DSCAM: variants seen among roughly 807,000 people sequenced by gnomAD.
The protein encoded by DSCAM is cell adhesion molecule DSCAM.
A neutral mutation model predicts 217.7 loss-of-function variants in DSCAM; 47 were observed. That is an observed-to-expected ratio of 0.22 (90% CI 0.17 to 0.28). The LOEUF is 0.28. Ranked by LOEUF, DSCAM falls within the 10% of genes least tolerant of loss-of-function variation. The pLI is 1.00. For synonymous variants in DSCAM, 1,056 were observed against 1,015.3 expected (o/e 1.04, Z -0.76); for missense variants, 2,080 against 2,618.3 (o/e 0.79, Z 4.49).
chr21:40,259,154 C>T (rs907763690), intron 11 of DSCAM, among the ~76,000 whole-genome samples: 14 of 152,114 alleles, frequency 9.2e-5, no homozygotes, highest in African/African-American at 2.9e-4. Flanking sequence ...AAAGAGAAAA[C>T]GCTTACACAT....
At chr21:40,792,217 C>A (rs1405260325) in intron 1 of DSCAM, among the ~76,000 whole-genome samples, 1 of 147,566 alleles carries the variant, frequency 6.8e-6, no homozygotes, top group Non-Finnish European at 1.5e-5. Flanking sequence ...TGGCTCACTG[C>A]AACCTCAACT....
chr21:40,401,844 C>T lies in DSCAM; in HGVS notation c.509-32599G>A, dbSNP rs1019246156. On this transcript the variant is annotated intron_variant, in intron 3 of 32. Transcript: ENST00000400454. ...CTCTGGAGGCTGCTGACCTGGAGAC[C>T]TGCCATGGGCCCGTCTTGCCAGCTC... is the stretch of plus-strand genomic sequence containing the variant. Among the ~76,000 whole-genome samples, 4 of 152,018 alleles carry T rather than the reference C, an allele frequency of 2.6e-5. No individual in the cohort carries two copies. The East Asian group carries it at 7.8e-4, about 30-fold the overall frequency.
At chr21:40,751,593 A>T (rs945133177) in intron 1 of DSCAM, among the ~76,000 whole-genome samples, 1 of 152,236 alleles carries the variant, frequency 6.6e-6, no homozygotes, top group Non-Finnish European at 1.5e-5. Flanking sequence ...GAGCATGCAC[A>T]TCTTAGCAAA....
intron 20 of DSCAM, among the ~76,000 whole-genome samples, chr21:40,115,169 G>A (rs1039598074): frequency 4.6e-5 from 7 of 152,106 alleles, no homozygotes; most frequent in African/African-American, 7.2e-5. Context: ...CAACCTAAAT[G>A]TCCAGCAATG....
intron 8 of DSCAM, among the ~76,000 whole-genome samples, chr21:40,329,487 G>A (rs578031431): frequency 1.8e-4 from 28 of 152,018 alleles, no homozygotes; most frequent in South Asian, 8.3e-4. Flanking sequence ...AGTGGTGCAC[G>A]CCTGTAGTCC....
At chr21:40,476,309 A>G (rs545176833) in intron 3 of DSCAM, among the ~76,000 whole-genome samples, 1 of 152,358 alleles carries the variant, frequency 6.6e-6, no homozygotes, top group African/African-American at 2.4e-5. Flanking sequence ...TTCATCATGG[A>G]TACGACTTGG....
At chr21:40,433,248 C>A (rs1255449142) in intron 3 of DSCAM, among the ~76,000 whole-genome samples, 2 of 150,082 alleles carry the variant, frequency 1.3e-5, no homozygotes, top group Non-Finnish European at 2.9e-5. Context: ...ACGCGGGAGG[C>A]TGAGGCAGAA....
chr21:40,147,614 AACC>A (rs1364410126), intron 16 of DSCAM, among the ~76,000 whole-genome samples: 1 of 152,262 alleles, frequency 6.6e-6, no homozygotes, highest in Non-Finnish European at 1.5e-5. Flanking sequence ...AAAAGTAAAC[AACC>A]ACCATTTCTA....
intron 1 of DSCAM, among the ~76,000 whole-genome samples, chr21:40,799,627 T>C (rs2091721495): frequency 6.6e-6 from 1 of 152,222 alleles, no homozygotes; most frequent in African/African-American, 2.4e-5. Context: ...TGTAAAGCTT[T>C]TCCACCTCAT....
chr21:40,762,022 TC>T (rs2091340424), intron 1 of DSCAM, among the ~76,000 whole-genome samples: 1 of 151,894 alleles, frequency 6.6e-6, no homozygotes, highest in South Asian at 2.1e-4. Context: ...AGAAGTAAAA[TC>T]AACACCCTAA....
chr21:40,461,793 G>A (rs922980219), intron 3 of DSCAM, among the ~76,000 whole-genome samples: 49 of 152,154 alleles, frequency 3.2e-4, no homozygotes, highest in African/African-American at 1.2e-3. Context: ...GACTTGAATG[G>A]CCATTGCTGG....
intron 19 of DSCAM, 59 bp downstream of exon 19, chr21:40,133,795 C>T: frequency 1.3e-6 from 2 of 1,527,988 alleles, no homozygotes; most frequent in East Asian, 2.3e-5. Flanking sequence ...GGCAAGTGAG[C>T]TCTCTGTGAC....
chr21:40,693,046 C>A (rs375845173), intron 2 of DSCAM, 90 bp from the exon 3 acceptor site: 33 of 1,389,334 alleles, frequency 2.4e-5, no homozygotes, highest in Middle Eastern at 1.9e-4. Flanking sequence ...CTGCAGCACA[C>A]ACACATCAAT....
chr21:40,199,755 A>T (rs947666615), intron 11 of DSCAM, among the ~76,000 whole-genome samples: 2 of 152,054 alleles, frequency 1.3e-5, no homozygotes, highest in Admixed American at 6.6e-5. Context: ...GAGGGGAACA[A>T]CACGCACCGG....
intron 3 of DSCAM, among the ~76,000 whole-genome samples, chr21:40,493,799 G>T (rs1176380956): frequency 1.3e-5 from 2 of 149,134 alleles, no homozygotes; most frequent in Non-Finnish European, 3.0e-5. Flanking sequence ...AGAGGCAAAG[G>T]TTGCAGTGAG....
At chr21:40,702,355 T>C (rs2090665694) in intron 2 of DSCAM, among the ~76,000 whole-genome samples, 3 of 152,196 alleles carry the variant, frequency 2.0e-5, no homozygotes, top group African/African-American at 7.2e-5. Flanking sequence ...CACAAATGTA[T>C]CACACTAATG....
At chr21:40,289,209 C>A (rs1033565244) in intron 10 of DSCAM, among the ~76,000 whole-genome samples, 3 of 152,038 alleles carry the variant, frequency 2.0e-5, no homozygotes, top group Admixed American at 6.6e-5. Flanking sequence ...AATGGGCAAC[C>A]AACAGGGTAA....
intron 20 of DSCAM, among the ~76,000 whole-genome samples, chr21:40,116,740 C>T (rs1259801266): frequency 2.6e-5 from 4 of 151,218 alleles, no homozygotes; most frequent in Non-Finnish European, 5.9e-5. Flanking sequence ...CGGTGGCTCA[C>T]GCCTGTAATC....
chr21:40,352,321 G>C (rs1416887145), intron 5 of DSCAM, among the ~76,000 whole-genome samples: 1 of 152,174 alleles, frequency 6.6e-6, no homozygotes, highest in African/African-American at 2.4e-5. Flanking sequence ...CTTACTGGCT[G>C]TCCAATGCTG....
Sources: gnomAD v4.1 joint callset for allele counts (sites outside exome capture counted in the v4.1 genomes callset) on GRCh38, gnomAD v4.1.1 for gene constraint, MANE v1.5 for transcripts, NCBI Gene and HGNC (gene_info 2026-07-23, HGNC 2026-07-21) for gene names.